NCAM2: variants seen among roughly 807,000 people sequenced by gnomAD.
NCAM2 encodes the protein N-CAM-2.
In NCAM2, 30 loss-of-function variants were observed where a neutral mutation model predicts 98.1. That is an observed-to-expected ratio of 0.31 (90% CI 0.23 to 0.41). The LOEUF is 0.41. Among genes scored for constraint, NCAM2 ranks in the 10% least tolerant of loss-of-function variants. The pLI, the probability that NCAM2 is intolerant of heterozygous loss-of-function variation, is 1.00. For missense variants in NCAM2, 867 were observed against 1,005.8 expected (o/e 0.86, Z 1.87); for synonymous variants, 368 against 342.4 (o/e 1.07, Z -0.83).
At chr21:21,367,386 C>T (rs1410692635) in intron 8 of NCAM2, among the ~76,000 whole-genome samples, 1 of 151,832 alleles carries the variant, frequency 6.6e-6, no homozygotes, top group African/African-American at 2.4e-5. Flanking sequence ...TTTATTATAG[C>T]AGTTGTCTCC....
chr21:21,195,050 A>G (rs2068956883), intron 1 of NCAM2, among the ~76,000 whole-genome samples: 1 of 152,174 alleles, frequency 6.6e-6, no homozygotes, highest in Admixed American at 6.5e-5. Flanking sequence ...ATGAATGATA[A>G]TGAAAGGAGT....
At position 21,286,322 on chromosome 21, in the gene NCAM2, G is replaced by C; in HGVS notation, c.391G>C (p.Asp131His). The C allele has an allele frequency of 6.2e-7, 1 of 1,612,188 alleles. No homozygotes were observed. The highest frequency in any genetic ancestry group is 2.2e-5 in the East Asian group (1 of 44,746). ...TCCACAAGAATTCAAACAAGGAGAAGATGCAGAAGTGGTTTGCCGAGTTAG... is the reference window on the plus strand; with the variant it reads ...TCCACAAGAATTCAAACAAGGAGAACATGCAGAAGTGGTTTGCCGAGTTAG... Reference protein sequence around the residue: ...VSPQEFKQGEDAEVVCRVSSS... With the variant: ...VSPQEFKQGEHAEVVCRVSSS... The change falls in exon 4 of 18, where the codon GAT (aspartate) becomes CAT (histidine). Residue 131 changes from aspartate (D) to histidine (H), a missense_variant. Physicochemically the swap from Asp to His is moderately conservative, Grantham distance 81. Around this residue, in one of 5 missense-constraint regions of NCAM2, gnomAD observed 447 missense variants for 495.7 expected, o/e 0.90. Coordinates refer to ENST00000400546, the MANE Select transcript of NCAM2 (RefSeq NM_004540.5).
At chr21:21,040,865 G>A (rs759984421) in intron 1 of NCAM2, among the ~76,000 whole-genome samples, 4 of 152,046 alleles carry the variant, frequency 2.6e-5, no homozygotes, top group African/African-American at 4.8e-5. Context: ...TGGCACTGTC[G>A]GTGACTCTAG....
intron 16 of NCAM2, among the ~76,000 whole-genome samples, chr21:21,523,507 A>G (rs902857867): frequency 1.3e-5 from 2 of 151,806 alleles, no homozygotes; most frequent in South Asian, 4.2e-4. Flanking sequence ...AGACTAAGTG[A>G]AGGTAAATTA....
intron 8 of NCAM2, among the ~76,000 whole-genome samples, chr21:21,364,456 T>A (rs1413370469): frequency 1.3e-5 from 2 of 152,022 alleles, no homozygotes; most frequent in African/African-American, 4.8e-5. Flanking sequence ...ATATATTTGC[T>A]ATAATAATAT....
intron 1 of NCAM2, among the ~76,000 whole-genome samples, chr21:21,081,029 A>G (rs75296494): frequency 0.023 from 3,534 of 152,236 alleles, 60 homozygotes; most frequent in Non-Finnish European, 0.032. Flanking sequence ...GGAGTTTTAT[A>G]TGATGGCTTA....
intron 1 of NCAM2, among the ~76,000 whole-genome samples, chr21:21,265,198 A>T (rs1311498132): frequency 8.1e-6 from 1 of 123,604 alleles, no homozygotes; most frequent in African/African-American, 3.0e-5. Context: ...ATATGTGTGT[A>T]TGTATGTGTG....
At chr21:21,181,496 C>T (rs1261138703) in intron 1 of NCAM2, among the ~76,000 whole-genome samples, 2 of 152,044 alleles carry the variant, frequency 1.3e-5, no homozygotes, top group East Asian at 1.9e-4. Flanking sequence ...TTGTCGTGTG[C>T]GTTGTCAAAA....
intron 8 of NCAM2, among the ~76,000 whole-genome samples, chr21:21,352,275 T>G (rs548122785): frequency 3.9e-4 from 59 of 152,032 alleles, no homozygotes; most frequent in East Asian, 1.4e-3. Context: ...TTGGCTGTTG[T>G]TGTTGGTGGT....
intron 9 of NCAM2, among the ~76,000 whole-genome samples, chr21:21,390,022 G>T (rs2076347357): frequency 6.6e-6 from 1 of 152,064 alleles, no homozygotes; most frequent in African/African-American, 2.4e-5. Flanking sequence ...GCTAATTTTT[G>T]TATTTTTAGT....
chr21:21,090,544 C>T (rs1237742039), intron 1 of NCAM2, among the ~76,000 whole-genome samples: 1 of 152,152 alleles, frequency 6.6e-6, no homozygotes, highest in Non-Finnish European at 1.5e-5. Context: ...TATCCCTTGC[C>T]TATTTTAGCT....
At chr21:21,341,708 C>CTTTT (rs5842918) in intron 8 of NCAM2, among the ~76,000 whole-genome samples, 1 of 142,738 alleles carries the variant, frequency 7.0e-6, no homozygotes, top group Non-Finnish European at 1.5e-5. Context: ...TAACAATATT[C>CTTTT]TTTTTTTTTT....
chr21:21,050,356 A>G (rs1377666317), intron 1 of NCAM2, among the ~76,000 whole-genome samples: 1 of 152,182 alleles, frequency 6.6e-6, no homozygotes, highest in Non-Finnish European at 1.5e-5. Context: ...TGTACCATTC[A>G]TATGATTATT....
intron 5 of NCAM2, among the ~76,000 whole-genome samples, chr21:21,303,319 G>C (rs2073781087): frequency 6.6e-6 from 1 of 151,886 alleles, no homozygotes; most frequent in Non-Finnish European, 1.5e-5. Flanking sequence ...TATAGTGAAT[G>C]TATCTATTAT....
Position 21,218,080 on chromosome 21 carries a change from T to G in NCAM2, c.56-62498T>G, listed in dbSNP as rs537193233. Among the ~76,000 whole-genome samples the G allele has an allele frequency of 5.3e-5, 8 of 152,298 alleles. No individual in the cohort carries two copies. In the South Asian group the frequency reaches 1.0e-3, roughly 20 times the overall value. ...CCATGCTTGTGACTCACAGAAACTGTGAAATAATAAATGGGTGTTGTTTAA... is the reference window on the plus strand; with the variant it reads ...CCATGCTTGTGACTCACAGAAACTGGGAAATAATAAATGGGTGTTGTTTAA... On this transcript the variant is annotated intron_variant, in intron 1 of 17. Transcript: ENST00000400546.
intron 16 of NCAM2, among the ~76,000 whole-genome samples, chr21:21,514,222 A>T (rs1988572109): frequency 6.6e-6 from 1 of 151,502 alleles, no homozygotes; most frequent in South Asian, 2.1e-4. Flanking sequence ...AACTGGCAAA[A>T]TGTTGTCTCT....
chr21:21,375,682 G>T (rs2076017287), intron 9 of NCAM2, among the ~76,000 whole-genome samples: 1 of 148,648 alleles, frequency 6.7e-6, no homozygotes, highest in African/African-American at 2.5e-5. Flanking sequence ...ATTAAAATTT[G>T]TTTATTTAAA....
At chr21:21,135,188 G>T (rs1430351398) in intron 1 of NCAM2, among the ~76,000 whole-genome samples, 1 of 150,206 alleles carries the variant, frequency 6.7e-6, no homozygotes, top group Non-Finnish European at 1.5e-5. Flanking sequence ...GGAGTTTGCA[G>T]TGAGCCAAGA....
chr21:21,328,968 T>TG lies in NCAM2; in HGVS notation c.737+4468_737+4469insG, dbSNP rs2074597515. Among the ~76,000 whole-genome samples the TG allele has an allele frequency of 2.0e-5, 3 of 151,212 alleles. No individual in the cohort carries two copies. The South Asian group carries it at 6.3e-4, about 32-fold the overall frequency. On this transcript the variant is annotated intron_variant, in intron 6 of 17. Coordinates refer to ENST00000400546, the MANE Select transcript of NCAM2 (RefSeq NM_004540.5). ...GTATAGCATTAATTTTTTTTTTTTT[T>TG]TTTTGAGATGGAGTCTCACTCTGTC... is the stretch of plus-strand genomic sequence containing the variant.
Sources: gnomAD v4.1 joint callset for allele counts (sites outside exome capture counted in the v4.1 genomes callset) on GRCh38, gnomAD v4.1.1 for gene constraint, gnomAD v4.1.1 regional missense constraint, MANE v1.5 for transcripts, NCBI Gene and HGNC (gene_info 2026-07-23, HGNC 2026-07-21) for gene names.